Variants in SAXO1 observed in about 807,000 individuals in gnomAD.
SAXO1 encodes the protein stabilizer of axonemal microtubules 1.
Under a neutral mutation model 17.5 loss-of-function variants are expected in SAXO1, and 21 were observed. The observed-to-expected ratio is 1.20, with a 90% CI of 0.85 to 1.72. The LOEUF (loss-of-function observed/expected upper bound fraction) is 1.72, where lower values mean the gene tolerates loss of function less well. Ranked by LOEUF, SAXO1 falls within the 40% of genes most tolerant of loss-of-function variation. SAXO1 has a pLI of 0.00. For missense variants in SAXO1, 843 were observed against 596.0 expected, an observed-to-expected ratio of 1.41 and a Z score of -4.32; for synonymous variants, 274 against 216.5, an observed-to-expected ratio of 1.27 and a Z score of -2.33.
intron 1 of SAXO1, among the ~76,000 whole-genome samples, chr9:19,022,193 T>C (rs1389208742): frequency 6.6e-6 from 1 of 152,160 alleles, no homozygotes; most frequent in Non-Finnish European, 1.5e-5. Context: ...GCTGTAACAC[T>C]CACTGCAAAG....
chr9:18,941,863 G>A, intron 2 of SAXO1, 24 bp from the exon 3 acceptor site: 2 of 1,611,166 alleles, frequency 1.2e-6, no homozygotes, highest in Non-Finnish European at 1.7e-6. Context: ...AGTGCATGCT[G>A]TTGGGGTCCT....
intron 1 of SAXO1, 145 bp downstream of exon 1, chr9:19,032,726 T>G (rs553635641): frequency 1.3e-4 from 108 of 838,190 alleles, no homozygotes; most frequent in Non-Finnish European, 1.9e-4. Flanking sequence ...ACAACGCTAG[T>G]TGACACAATT....
chr9:19,016,680 C>T (rs1033101690), intron 1 of SAXO1, among the ~76,000 whole-genome samples: 1 of 152,010 alleles, frequency 6.6e-6, no homozygotes, highest in East Asian at 1.9e-4. Context: ...TCCATTGGTG[C>T]CACAGATTAG....
chr9:18,933,623 T>A (rs747043823), intron 3 of SAXO1, among the ~76,000 whole-genome samples: 1 of 152,232 alleles, frequency 6.6e-6, no homozygotes, highest in African/African-American at 2.4e-5. Context: ...TATTTTGCCT[T>A]CATTATTGAA....
intron 1 of SAXO1, among the ~76,000 whole-genome samples, chr9:19,002,316 C>A (rs1161714072): frequency 6.6e-6 from 1 of 152,136 alleles, no homozygotes. Context: ...ACCAGAGGTA[C>A]AAAGAGGAGC....
chr9:18,998,918 C>G lies in SAXO1; in HGVS notation c.38+33953G>C, dbSNP rs142398949. On this transcript the variant is annotated intron_variant, in intron 1 of 3. Coordinates refer to ENST00000380534, the MANE Select transcript of SAXO1 (RefSeq NM_153707.4). ...GAAAGCAAATGCTGAGAGATTTTGT[C>G]ACCACCAGGCCTGCCTTACAAGAGC... Among the ~76,000 whole-genome samples the G allele has an allele frequency of 3.9e-5, 6 of 152,292 alleles. No homozygotes were observed. In the East Asian group the frequency reaches 1.2e-3, roughly 29 times the overall value.
At chr9:19,013,959 G>A (rs576068982) in intron 1 of SAXO1, among the ~76,000 whole-genome samples, 20 of 152,164 alleles carry the variant, frequency 1.3e-4, no homozygotes, top group Non-Finnish European at 2.9e-4. Context: ...CTGTAACAGA[G>A]TCTGGTGAGT....
At chr9:18,950,965 T>A in intron 1 of SAXO1, 28 bp from the exon 2 acceptor site, 4 of 1,589,362 alleles carry the variant, frequency 2.5e-6, no homozygotes, top group Non-Finnish European at 3.4e-6. Context: ...TTAGGTTGAT[T>A]ACCTTCTTGG....
chr9:18,949,376 G>C (rs1371122675), intron 2 of SAXO1, among the ~76,000 whole-genome samples: 1 of 102,614 alleles, frequency 9.7e-6, no homozygotes, highest in Non-Finnish European at 2.7e-5. Context: ...AGGATCACTT[G>C]AGCCCAGAAA....
chr9:19,016,663 A>G (rs1353289813), intron 1 of SAXO1, among the ~76,000 whole-genome samples: 1 of 152,128 alleles, frequency 6.6e-6, no homozygotes, highest in African/African-American at 2.4e-5. Context: ...CCCCACAACA[A>G]AAAATGTCCA....
chr9:18,927,829 G>A lies in SAXO1; in HGVS notation c.*223C>T. On this transcript the variant is annotated 3_prime_UTR_variant, in exon 4 of 4. Coordinates refer to ENST00000380534, the MANE Select transcript of SAXO1 (RefSeq NM_153707.4). ...AGTAAAGGACCTGAAACGGGGTGGGGATGCAGTAAAGGAGAAGGTAAGGGG... is the reference window on the plus strand; with the variant it reads ...AGTAAAGGACCTGAAACGGGGTGGGAATGCAGTAAAGGAGAAGGTAAGGGG... 2 of 474,852 alleles carry A rather than the reference G, an allele frequency of 4.2e-6. No homozygotes were observed. Among genetic ancestry groups the A allele is most frequent in the East Asian group, 3.2e-5 (1 of 31,228 alleles). 29.4% of individuals were successfully genotyped at this position (474,852 alleles called of 1,614,324 possible). A position where few individuals can be genotyped will look rare whatever the true frequency, so the allele number is the denominator to read the frequency against.
intron 1 of SAXO1, among the ~76,000 whole-genome samples, chr9:18,973,453 T>A (rs563817928): frequency 6.6e-6 from 1 of 152,314 alleles, no homozygotes; most frequent in East Asian, 1.9e-4. Context: ...TAGGAATGAT[T>A]TTCTCTAGAG....
chr9:19,003,880 C>T (rs1289976964), intron 1 of SAXO1, among the ~76,000 whole-genome samples: 1 of 152,032 alleles, frequency 6.6e-6, no homozygotes, highest in East Asian at 1.9e-4. Flanking sequence ...CAACAAAAGC[C>T]AAAATAGACA....
At chr9:19,009,404 T>G (rs1189700153) in intron 1 of SAXO1, among the ~76,000 whole-genome samples, 1 of 152,070 alleles carries the variant, frequency 6.6e-6, no homozygotes, top group African/African-American at 2.4e-5. Context: ...CAGTTGAAAC[T>G]AAAAACTCAA....
In SAXO1 at chr9:18,927,708, G is replaced by A. The variant is rs540534906; in HGVS notation, c.*344C>T. The A allele has an allele frequency of 1.8e-4, 36 of 204,872 alleles. No homozygotes were observed. Among genetic ancestry groups the A allele is most frequent in the African/African-American group, 8.3e-4 (36 of 43,516 alleles). The allele number at this position is 204,872 out of a possible 1,614,324, so 12.7% of individuals were successfully genotyped here. On this transcript the variant is annotated 3_prime_UTR_variant, in exon 4 of 4. Transcript: ENST00000380534. ...CTTTGGCGCTTCATACTTGGCAAGG[G>A]TTAATCATTATGTCAGTTCATACAA...
chr9:19,022,947 A>C (rs1835309996), intron 1 of SAXO1, among the ~76,000 whole-genome samples: 1 of 152,196 alleles, frequency 6.6e-6, no homozygotes, highest in Non-Finnish European at 1.5e-5. Flanking sequence ...TGCAAAGTTC[A>C]AAACTGAACA....
intron 1 of SAXO1, among the ~76,000 whole-genome samples, chr9:18,986,578 A>G (rs1009120501): frequency 6.6e-6 from 1 of 151,502 alleles, no homozygotes; most frequent in African/African-American, 2.4e-5. Flanking sequence ...TTCCTGTAGC[A>G]TAACAGAACT....
At chr9:19,006,249 A>C (rs1834476640) in intron 1 of SAXO1, among the ~76,000 whole-genome samples, 1 of 152,256 alleles carries the variant, frequency 6.6e-6, no homozygotes, top group Admixed American at 6.5e-5. Context: ...TTACCCTATG[A>C]TCCACCAATT....
intron 1 of SAXO1, among the ~76,000 whole-genome samples, chr9:19,005,707 A>T (rs146952653): frequency 6.6e-6 from 1 of 152,220 alleles, no homozygotes; most frequent in Non-Finnish European, 1.5e-5. Flanking sequence ...AAATCATGAC[A>T]TTGGATTTGG....
Sources: gnomAD v4.1 joint callset for allele counts (sites outside exome capture counted in the v4.1 genomes callset) on GRCh38, gnomAD v4.1.1 for gene constraint, MANE v1.5 for transcripts, NCBI Gene and HGNC (gene_info 2026-07-23, HGNC 2026-07-21) for gene names.